Variants in MAP3K15 observed in about 807,000 individuals in gnomAD.
MAP3K15 encodes the protein mitogen-activated protein kinase kinase kinase 15, also known as MAPK/ERK kinase kinase 15.
A neutral mutation model predicts 99.5 loss-of-function variants in MAP3K15; 124 were observed. That is an observed-to-expected ratio of 1.25 (90% CI 1.08 to 1.45). MAP3K15 has a LOEUF of 1.45. Ranked by LOEUF, MAP3K15 falls within the 40% of genes most tolerant of loss-of-function variation. The pLI is 0.00. For synonymous variants in MAP3K15, 494 were observed against 439.6 expected, an observed-to-expected ratio of 1.12 and a Z score of -1.55; for missense variants, 1,242 against 1,079.7, an observed-to-expected ratio of 1.15 and a Z score of -2.11.
intron 5 of MAP3K15, among the ~76,000 whole-genome samples, chrX:19,458,442 G>A (rs2064109734): frequency 8.9e-6 from 1 of 112,160 alleles, no homozygotes; most frequent in Non-Finnish European, 1.9e-5. Context: ...ACTCTGGGAG[G>A]CCAAGGCAGA....
intron 7 of MAP3K15, among the ~76,000 whole-genome samples, chrX:19,427,588 C>T (rs2063842461): frequency 9.0e-6 from 1 of 111,384 alleles, no homozygotes; most frequent in African/African-American, 3.3e-5. Flanking sequence ...TTAACAGTGA[C>T]ATTTTCACTC....
chrX:19,364,361 C>T (rs7055026), intron 25 of MAP3K15, among the ~76,000 whole-genome samples: 24,027 of 111,267 alleles, frequency 0.22, 5,019 homozygotes, highest in African/African-American at 0.66. Context: ...ATTGGAACCA[C>T]GTCTAGCTTT....
chrX:19,465,830 GGTGT>G (rs10589040), intron 3 of MAP3K15, among the ~76,000 whole-genome samples: 101 of 93,980 alleles, frequency 1.1e-3, no homozygotes, highest in African/African-American at 3.1e-3. Flanking sequence ...GGTGTGTAGG[GGTGT>G]GTGTGTGTGT....
intron 4 of MAP3K15, among the ~76,000 whole-genome samples, chrX:19,460,987 T>C (rs1416044869): frequency 9.3e-6 from 1 of 107,297 alleles, no homozygotes; most frequent in African/African-American, 3.5e-5. Context: ...TTTTTTTTTT[T>C]TCTTTTTCTT....
chrX:19,403,687 C>T (rs1028623026), intron 13 of MAP3K15, among the ~76,000 whole-genome samples: 2 of 107,087 alleles, frequency 1.9e-5, no homozygotes, highest in African/African-American at 3.4e-5. Flanking sequence ...AGGCTGGTCT[C>T]GAACTGCCCA....
chrX:19,368,917 A>AG (rs1464767684), intron 25 of MAP3K15, 137 bp downstream of exon 25: 11 of 538,077 alleles, frequency 2.0e-5, no homozygotes, highest in African/African-American at 2.6e-5. Flanking sequence ...GCCCTTGCCT[A>AG]GTTCGTGGAT....
chrX:19,416,422 T>C (rs750240096), intron 9 of MAP3K15, among the ~76,000 whole-genome samples: 3 of 111,482 alleles, frequency 2.7e-5, no homozygotes, highest in African/African-American at 9.8e-5. Context: ...TTGCAGATCA[T>C]AGTAAAAAGT....
chrX:19,475,330 G>A (rs1000899779), intron 3 of MAP3K15, among the ~76,000 whole-genome samples: 10 of 111,050 alleles, frequency 9.0e-5, no homozygotes, highest in Admixed American at 6.7e-4. Flanking sequence ...GCGGTAATGC[G>A]AGCAATGGGG....
At chrX:19,397,224 A>G (rs895750654) in intron 15 of MAP3K15, among the ~76,000 whole-genome samples, 1 of 111,545 alleles carries the variant, frequency 9.0e-6, no homozygotes, top group African/African-American at 3.3e-5. Context: ...ATTTCTTAAA[A>G]TTAAAAAAAG....
chrX:19,506,615 C>T (rs1406148558), intron 1 of MAP3K15, among the ~76,000 whole-genome samples: 4 of 111,446 alleles, frequency 3.6e-5, no homozygotes, highest in South Asian at 3.8e-4. Context: ...CTCCACCTCA[C>T]GGGTTCAAGC....
intron 1 of MAP3K15, among the ~76,000 whole-genome samples, chrX:19,501,739 C>A (rs925304631): frequency 8.9e-6 from 1 of 111,749 alleles, no homozygotes; most frequent in Admixed American, 9.6e-5. Context: ...TTGAAGAGTT[C>A]GCTGTCTGGC....
At chrX:19,469,209 C>T (rs2064189920) in intron 3 of MAP3K15, among the ~76,000 whole-genome samples, 1 of 111,176 alleles carries the variant, frequency 9.0e-6, no homozygotes, top group Admixed American at 9.6e-5. Context: ...GAGATATAGA[C>T]CAATGGAACA....
chrX:19,509,203 C>A (rs1363159490), intron 1 of MAP3K15, among the ~76,000 whole-genome samples: 1 of 111,561 alleles, frequency 9.0e-6, no homozygotes, highest in East Asian at 2.8e-4. Context: ...GCTTAAATTT[C>A]CCATAGATGA....
At chrX:19,424,217 C>T (rs191668432) in intron 9 of MAP3K15, among the ~76,000 whole-genome samples, 3 of 104,053 alleles carry the variant, frequency 2.9e-5, no homozygotes, top group African/African-American at 1.2e-4. Context: ...CACATATATA[C>T]ACACATATAT....
intron 23 of MAP3K15, 61 bp from the exon 24 acceptor site, chrX:19,371,125 T>C (rs2063372158): frequency 3.1e-6 from 3 of 953,379 alleles, no homozygotes; most frequent in East Asian, 3.5e-5. Flanking sequence ...TTCCAGTGCA[T>C]TGCACGGAGA....
intron 25 of MAP3K15, among the ~76,000 whole-genome samples, chrX:19,366,426 G>T (rs1320571270): frequency 9.0e-6 from 1 of 111,645 alleles, no homozygotes; most frequent in African/African-American, 3.3e-5. Flanking sequence ...ATATGGTTTG[G>T]CTGTGTCCCC....
At chrX:19,418,173 T>C (rs1043610597) in intron 9 of MAP3K15, among the ~76,000 whole-genome samples, 6 of 111,537 alleles carry the variant, frequency 5.4e-5, no homozygotes, top group Non-Finnish European at 1.1e-4. Context: ...TCACCAGCAA[T>C]GGAACAAAGC....
chrX:19,410,357 C>A (rs1389004622), intron 11 of MAP3K15, among the ~76,000 whole-genome samples: 1 of 112,283 alleles, frequency 8.9e-6, no homozygotes, highest in African/African-American at 3.2e-5. Context: ...GGCAAGACTG[C>A]GACAGACACC....
intron 1 of MAP3K15, among the ~76,000 whole-genome samples, chrX:19,492,187 A>G (rs2064372743): frequency 9.1e-6 from 1 of 109,715 alleles, no homozygotes; most frequent in Admixed American, 9.8e-5. Context: ...GAATAGTATA[A>G]TGAAATCTCC....
Sources: gnomAD v4.1 joint callset for allele counts (sites outside exome capture counted in the v4.1 genomes callset) on GRCh38, gnomAD v4.1.1 for gene constraint, MANE v1.5 for transcripts, NCBI Gene and HGNC (gene_info 2026-07-23, HGNC 2026-07-21) for gene names.